The following ADGRL1 variants were observed in gnomAD, a reference collection of about 807,000 sequenced individuals.
ADGRL1 encodes the protein adhesion G protein-coupled receptor L1, also known as CIRL-1.
In ADGRL1, 31 loss-of-function variants were observed where a neutral mutation model predicts 148.9. That is an observed-to-expected ratio of 0.21 (90% confidence interval 0.16 to 0.28). ADGRL1 has a LOEUF of 0.28. ADGRL1 is among the 10% of genes least tolerant of loss of function. The pLI, the probability that ADGRL1 is intolerant of heterozygous loss-of-function variation, is 1.00. For synonymous variants in ADGRL1, 937 were observed against 900.3 expected, an observed-to-expected ratio of 1.04 and a Z score of -0.73; for missense variants, 1,521 against 2,058.8, an observed-to-expected ratio of 0.74 and a Z score of 5.05.
At chr19:14,158,180 T>C (rs900353695) in intron 12 of ADGRL1, 128 bp from the exon 13 acceptor site, 12 of 1,242,762 alleles carry the variant, frequency 9.7e-6, no homozygotes, top group Admixed American at 8.0e-5. Flanking sequence ...GGGGCTCCAG[T>C]TGACATTCTG....
At chr19:14,178,450 A>G (rs768185858) in intron 2 of ADGRL1, among the ~76,000 whole-genome samples, 8 of 151,914 alleles carry the variant, frequency 5.3e-5, no homozygotes, top group Non-Finnish European at 1.2e-4. Flanking sequence ...GGCTCCAGTA[A>G]GCCATGATTG....
chr19:14,156,376 C>T (rs568041624), intron 16 of ADGRL1, among the ~76,000 whole-genome samples, 175 bp from the exon 17 acceptor site: 20 of 152,142 alleles, frequency 1.3e-4, no homozygotes, highest in East Asian at 5.8e-4. Context: ...TTGGCATGAC[C>T]GGCAATTTAA....
chr19:14,179,490 T>G (rs1457675799), intron 2 of ADGRL1, among the ~76,000 whole-genome samples: 1 of 151,312 alleles, frequency 6.6e-6, no homozygotes, highest in Admixed American at 6.6e-5. Context: ...CGAGACTCCA[T>G]CAAACAAACA....
Position 14,152,983 on chromosome 19 carries a change from G to A in ADGRL1, c.3295-71C>T. ...TGTGATCCAGTCTCCCACAGGGCTG[G>A]TCACAAGACAGGCAGCCTTGGGAGG... is the stretch of plus-strand genomic sequence containing the variant. On this transcript the variant is annotated intron_variant, in intron 18 of 22. Transcript: ENST00000361434. This position sits in a 1 kb window ranked among gnomAD's most constrained non-coding sequence, Gnocchi z 6.1. The A allele has an allele frequency of 1.9e-6, 3 of 1,568,524 alleles. No homozygotes were observed. The South Asian group carries it at 3.4e-5, about 18-fold the overall frequency.
chr19:14,199,345 T>C (rs1430979895), intron 1 of ADGRL1, among the ~76,000 whole-genome samples: 1 of 152,020 alleles, frequency 6.6e-6, no homozygotes, highest in African/African-American at 2.4e-5. Flanking sequence ...AAAAGTCGAT[T>C]CTATAGCGTA....
At chr19:14,191,425 G>A (rs751811720) in intron 1 of ADGRL1, 245 of 456,642 alleles carry the variant, frequency 5.4e-4, no homozygotes, top group Non-Finnish European at 9.1e-4. Flanking sequence ...CGAGACACTC[G>A]GGATGCTCCT....
chr19:14,153,001 T>A (rs1296699427), intron 18 of ADGRL1, 89 bp from the exon 19 acceptor site: 1 of 1,507,954 alleles, frequency 6.6e-7, no homozygotes, highest in South Asian at 1.2e-5. Flanking sequence ...ACAGGCAGCC[T>A]TGGGAGGCCG....
chr19:14,191,593 G>A (rs1429366257), intron 1 of ADGRL1: 4 of 387,892 alleles, frequency 1.0e-5, no homozygotes, highest in East Asian at 7.2e-5. Flanking sequence ...AGGTGCCAGC[G>A]AATTCAGTTT....
chr19:14,157,137 G>A lies in ADGRL1; in HGVS notation c.2754C>T (p.Cys918=), dbSNP rs1439266281. Reference sequence around the variant, plus strand: ...AGTGCAGCAGGCCGGCGAAGATGGGGCAGGCAATCTGCGGGGAGCACTGAG... The same window carrying A: ...AGTGCAGCAGGCCGGCGAAGATGGGACAGGCAATCTGCGGGGAGCACTGAG... The part of the protein sequence containing the change: ...GIDKTQYEIA[C]PIFAGLLHYF... The change falls in exon 15 of 23, where the codon TGC becomes TGT. Residue 918 remains cysteine (C), a synonymous_variant. Transcript: ENST00000361434. The surrounding 1 kb of genome is among the most constrained non-coding windows in gnomAD (Gnocchi z 7.5). The A allele has an allele frequency of 6.2e-7, 1 of 1,614,032 alleles. No homozygotes were observed. The highest frequency in any genetic ancestry group is 8.5e-7 in the Non-Finnish European group (1 of 1,180,002).
rs1967897019 is a variant in ADGRL1, at chr19:14,149,173, GGGGGCCGGGAC to G, written c.*1689_*1699del. ...GGCTGGCCTGACAGGCTGGAGAGGA[GGGGGCCGGGAC>G]AGGTGCTCAGGACACATCCCGAGCC... On this transcript the variant is annotated 3_prime_UTR_variant, in exon 23 of 23. Coordinates refer to ENST00000361434, the MANE Select transcript of ADGRL1 (RefSeq NM_014921.5). 1 of 152,508 alleles carries G rather than the reference GGGGGCCGGGAC, an allele frequency of 6.6e-6. No individual in the cohort carries two copies. The highest frequency in any genetic ancestry group is 1.5e-5 in the Non-Finnish European group (1 of 68,318). The allele number at this position is 152,508 out of a possible 1,614,324, so 9.4% of individuals were successfully genotyped here.
chr19:14,163,955 T>C (rs1462633909), intron 4 of ADGRL1, among the ~76,000 whole-genome samples: 1 of 151,982 alleles, frequency 6.6e-6, no homozygotes, highest in Non-Finnish European at 1.5e-5. Flanking sequence ...TGTTTTTTTT[T>C]TTAACTCCTC....
intron 3 of ADGRL1, among the ~76,000 whole-genome samples, chr19:14,172,600 C>T (rs900911083): frequency 2.0e-5 from 3 of 151,840 alleles, no homozygotes; most frequent in Non-Finnish European, 4.4e-5. Context: ...ATTAGCCAGG[C>T]GTGGTGGGGC....
Position 14,157,157 on chromosome 19 carries a change from A to G in ADGRL1, c.2746-12T>C. On this transcript the variant is annotated splice_polypyrimidine_tract_variant and intron_variant, in intron 14 of 22. Transcript: ENST00000361434. The surrounding 1 kb of genome is among the most constrained non-coding windows in gnomAD (Gnocchi z 7.5). ...ATGGGGCAGGCAATCTGCGGGGAGCACTGAGGGTGAGGGGCTGCTGCCTGG... is the reference window on the plus strand; with the variant it reads ...ATGGGGCAGGCAATCTGCGGGGAGCGCTGAGGGTGAGGGGCTGCTGCCTGG... 1 of 1,613,844 alleles carries G rather than the reference A, an allele frequency of 6.2e-7. No homozygotes were observed. Among genetic ancestry groups the G allele is most frequent in the Non-Finnish European group, 8.5e-7 (1 of 1,179,906 alleles).
rs925279152 is a variant in ADGRL1, at chr19:14,163,095, G to A, written c.706C>T (p.Arg236Cys). 3.1e-6 allele frequency: 5 copies of A among 1,613,950 alleles called. No homozygotes were observed. Among genetic ancestry groups the A allele is most frequent in the African/African-American group, 1.3e-5 (1 of 74,946 alleles). The change falls in exon 5 of 23, where the codon CGC becomes TGC. Residue 236 changes from arginine to cysteine, a missense_variant. Transcript: ENST00000361434. ...RNIVKYDLRT[R>C]IKSGETVINT... ...ATGACCGTCTCCCCGCTCTTGATGCGCGTCCGTAGGTCATACTTGACGATG... is the reference window on the plus strand; with the variant it reads ...ATGACCGTCTCCCCGCTCTTGATGCACGTCCGTAGGTCATACTTGACGATG...
intron 2 of ADGRL1, among the ~76,000 whole-genome samples, chr19:14,182,517 G>C (rs1325995290): frequency 6.6e-6 from 1 of 152,214 alleles, no homozygotes; most frequent in Non-Finnish European, 1.5e-5. Context: ...ATCTGGGTGG[G>C]TACCCCAGGG....
chr19:14,189,075 C>A (rs1230883844), intron 1 of ADGRL1, among the ~76,000 whole-genome samples: 1 of 152,162 alleles, frequency 6.6e-6, no homozygotes, highest in African/African-American at 2.4e-5. Context: ...TATCACCCCA[C>A]ATAGAAACTC....
chr19:14,148,662 C>A lies in ADGRL1; in HGVS notation c.*2211G>T. The A allele has an allele frequency of 6.5e-6, 1 of 152,928 alleles. No individual in the cohort carries two copies. The highest frequency in any genetic ancestry group is 1.5e-5 in the Non-Finnish European group (1 of 68,166). The allele number at this position is 152,928 out of a possible 1,614,324, so 9.5% of individuals were successfully genotyped here. A position where few individuals can be genotyped will look rare whatever the true frequency, so the allele number is the denominator to read the frequency against. On this transcript the variant is annotated 3_prime_UTR_variant, in exon 23 of 23. Coordinates refer to ENST00000361434, the MANE Select transcript of ADGRL1 (RefSeq NM_014921.5). The stretch of plus-strand genomic sequence containing the variant: ...GACTGTCCCTGGCCTCACTTCTCCT[C>A]CCCATCTAGACTTCACCCATGGTCT...
At position 14,160,420 on chromosome 19, in the gene ADGRL1, CCCCTTCCCACCCCATCTGT is replaced by C; in HGVS notation, c.1615-142_1615-124del. ...CTCTCCACTTCCCCATCGCCATCTG[CCCCTTCCCACCCCATCTGT>C]CCCTGCTCCCTTTGTAGGCCAGGGA... is the stretch of plus-strand genomic sequence containing the variant. On this transcript the variant is annotated intron_variant, in intron 7 of 22. Transcript: ENST00000361434. The surrounding 1 kb of genome is among the most constrained non-coding windows in gnomAD (Gnocchi z 5.9). The C allele has an allele frequency of 1.0e-6, 1 of 979,100 alleles. No individual in the cohort carries two copies. Among genetic ancestry groups the C allele is most frequent in the Non-Finnish European group, 1.5e-6 (1 of 671,352 alleles). The allele number at this position is 979,100 out of a possible 1,614,324, so 60.7% of individuals were successfully genotyped here.
chr19:14,178,876 G>A (rs1252855365), intron 2 of ADGRL1, among the ~76,000 whole-genome samples: 2 of 151,998 alleles, frequency 1.3e-5, no homozygotes, highest in Admixed American at 1.3e-4. Context: ...AGGAGCAGGC[G>A]GCCATCTATC....
Sources: gnomAD v4.1 joint callset for allele counts (sites outside exome capture counted in the v4.1 genomes callset) on GRCh38, gnomAD v4.1.1 for gene constraint, Gnocchi (gnomAD v3.1) non-coding constraint, MANE v1.5 for transcripts, NCBI Gene and HGNC (gene_info 2026-07-23, HGNC 2026-07-21) for gene names.